The following IKZF4 variants were observed in gnomAD, a reference collection of about 807,000 sequenced individuals.
The protein encoded by IKZF4 is zinc finger protein Eos.
A neutral mutation model predicts 47.7 loss-of-function variants in IKZF4; 11 were observed. That is an observed-to-expected ratio of 0.23 (90% CI 0.15 to 0.38). IKZF4 has a LOEUF of 0.38. IKZF4 is among the 10% of genes least tolerant of loss of function. The pLI is 1.00. For synonymous variants in IKZF4, 298 were observed against 299.4 expected (o/e 1.00, Z 0.05); for missense variants, 557 against 784.9 (o/e 0.71, Z 3.47).
At chr12:56,024,679 G>A (rs1166297337) in intron 2 of IKZF4, 1 of 1,069,108 alleles carries the variant, frequency 9.4e-7, no homozygotes, top group Non-Finnish European at 1.1e-6. Context: ...ACCGGCTGGG[G>A]GCTCCAGAGA....
In IKZF4 at chr12:56,034,623, G is replaced by T; in HGVS notation, c.1050G>T (p.Ser350=). The change falls in exon 8 of 8, where the codon TCG becomes TCT. Residue 350 remains serine (S), a synonymous_variant. Transcript: ENST00000547167. ...SLSDLPYDVN[S]GGYEKDVELV... ...CAGACCTCCCCTATGATGTGAACTC[G>T]GGTGGCTATGAAAAGGATGTGGAGT... 1 of 1,613,926 alleles carries T rather than the reference G, an allele frequency of 6.2e-7. No individual in the cohort carries two copies. Among genetic ancestry groups the T allele is most frequent in the Non-Finnish European group, 8.5e-7 (1 of 1,179,844 alleles).
rs141376239 is a variant in IKZF4 at position 56,038,372 on chromosome 12, A to G, written c.*3041A>G. ...AATATTTGTGTAACGGAGATATACT[A>G]CTGTAAGTTTTGTACTGTACTGGCT... On this transcript the variant is annotated 3_prime_UTR_variant, in exon 8 of 8. Transcript: ENST00000547167. 3.3e-5 allele frequency: 5 copies of G among 152,764 alleles called. No individual in the cohort carries two copies. The East Asian group carries it at 9.6e-4, about 29-fold the overall frequency. The allele number at this position is 152,764 out of a possible 1,614,324, so 9.5% of individuals were successfully genotyped here. A position where few individuals can be genotyped will look rare whatever the true frequency, so the allele number is the denominator to read the frequency against.
At position 56,035,405 on chromosome 12, in the gene IKZF4, TC is replaced by T. The variant is rs1895556558; in HGVS notation, c.*77del. On this transcript the variant is annotated 3_prime_UTR_variant, in exon 8 of 8. Coordinates refer to ENST00000547167, the MANE Select transcript of IKZF4 (RefSeq NM_022465.4). This position sits in a 1 kb window ranked among gnomAD's most constrained non-coding sequence, Gnocchi z 6.1. Reference sequence around the variant, plus strand: ...GGCATTGATCCCTGTCCCCACCATTTCCCAAGGAGTTTTGCTTTGTAGCCCT... The same window carrying T: ...GGCATTGATCCCTGTCCCCACCATTTCCAAGGAGTTTTGCTTTGTAGCCCT... 4 of 1,510,350 alleles carry T rather than the reference TC, an allele frequency of 2.6e-6. No homozygotes were observed. Among genetic ancestry groups the T allele is most frequent in the Non-Finnish European group, 3.6e-6 (4 of 1,120,892 alleles). The allele number at this position is 1,510,350 out of a possible 1,614,324, so 93.6% of individuals were successfully genotyped here.
chr12:56,028,984 C>T (rs1894501434), intron 5 of IKZF4, among the ~76,000 whole-genome samples: 1 of 152,180 alleles, frequency 6.6e-6, no homozygotes. Flanking sequence ...CCATCTGCCT[C>T]AGGCCCCACA....
chr12:56,024,118 T>C (rs1241689709), intron 2 of IKZF4, among the ~76,000 whole-genome samples: 2 of 152,234 alleles, frequency 1.3e-5, no homozygotes, highest in Admixed American at 1.3e-4. Flanking sequence ...AGGTATGTTA[T>C]CTGATTTTGA....
At chr12:56,025,014 C>G (rs1457040469) in intron 2 of IKZF4, 40 bp from the exon 3 acceptor site, 1 of 1,555,124 alleles carries the variant, frequency 6.4e-7, no homozygotes, top group Non-Finnish European at 8.7e-7. Context: ...TAGATATCTC[C>G]AGCTCCAGCT....
In IKZF4 at chr12:56,028,333, G is replaced by A. The variant is rs1378307677; in HGVS notation, c.715+386G>A. 2.0e-5 allele frequency among the ~76,000 whole-genome samples: 3 copies of A among 151,420 alleles called. No homozygotes were observed. In the South Asian group the frequency reaches 6.3e-4, roughly 32 times the overall value. ...GAGGTCAGGAGATCGAGACCATCCT[G>A]GCCAAAATGGTGAAACCCTGTCTCT... On this transcript the variant is annotated intron_variant, in intron 5 of 7. Transcript: ENST00000547167.
Position 56,023,759 on chromosome 12 carries a change from G to A in IKZF4, c.176G>A (p.Cys59Tyr). The stretch of plus-strand genomic sequence containing the variant: ...CATTTTATAATGGAATCTTTATTTT[G>A]TGAAAGTAAGTATGTGCATAGCTGG... Reference protein sequence around the residue: ...SNHFIMESLFCESSGDSSLEK... With the variant: ...SNHFIMESLFYESSGDSSLEK... The change falls in exon 2 of 8, where the codon TGT (cysteine) becomes TAT (tyrosine). Residue 59 changes from cysteine to tyrosine, a missense_variant. Around this residue, in one of 6 missense-constraint regions of IKZF4, gnomAD observed 112 missense variants for 168.2 expected, o/e 0.67. Transcript: ENST00000547167. 6.2e-7 allele frequency: 1 copy of A among 1,613,524 alleles called. No homozygotes were observed. The highest frequency in any genetic ancestry group is 8.5e-7 in the Non-Finnish European group (1 of 1,179,652).
chr12:56,022,797 CTTTTTT>C (rs34923817), intron 1 of IKZF4, among the ~76,000 whole-genome samples: 2 of 126,292 alleles, frequency 1.6e-5, no homozygotes, highest in Non-Finnish European at 1.7e-5. Context: ...CTCAGTGTTT[CTTTTTT>C]TTTTTTTTTT....
chr12:56,032,082 C>T (rs555598657), intron 5 of IKZF4, among the ~76,000 whole-genome samples: 5 of 152,216 alleles, frequency 3.3e-5, no homozygotes, highest in African/African-American at 1.2e-4. Flanking sequence ...CATGCCAGCC[C>T]ACCAGTTTCC....
rs537220215 is a variant in IKZF4 at position 56,037,257 on chromosome 12, A to T, written c.*1926A>T. The stretch of plus-strand genomic sequence containing the variant: ...CCAAGAGAACCAGATTGGCAGGGAG[A>T]AGCATTGTGGGGCAATTGTTCCTCC... On this transcript the variant is annotated 3_prime_UTR_variant, in exon 8 of 8. Coordinates refer to ENST00000547167, the MANE Select transcript of IKZF4 (RefSeq NM_022465.4). The T allele has an allele frequency of 1.3e-5, 2 of 152,692 alleles. No homozygotes were observed. The highest frequency in any genetic ancestry group is 6.5e-5 in the Admixed American group (1 of 15,296). 9.5% of individuals were successfully genotyped at this position (152,692 alleles called of 1,614,324 possible). A position where few individuals can be genotyped will look rare whatever the true frequency, so the allele number is the denominator to read the frequency against.
In IKZF4 at chr12:56,027,010, C is replaced by T. The variant is rs201788307; in HGVS notation, c.516C>T (p.Asn172=). The T allele has an allele frequency of 6.4e-5, 101 of 1,571,806 alleles. No individual in the cohort carries two copies. The highest frequency in any genetic ancestry group is 1.2e-4 in the East Asian group (5 of 43,212). ...DVCGMVCIGP[N]VLMVHKRSHT... is the part of the protein sequence containing the mutation. ...GCGGCATGGTCTGTATTGGACCCAA[C>T]GTGCTCATGGTGCACAAGCGCAGTC... The change falls in exon 4 of 8, where the codon AAC becomes AAT. Residue 172 remains asparagine, a synonymous_variant. Coordinates refer to ENST00000547167, the MANE Select transcript of IKZF4 (RefSeq NM_022465.4).
intron 1 of IKZF4, chr12:56,010,039 GTC>G (rs148968431): frequency 2.2e-4 from 31 of 142,984 alleles, no homozygotes; most frequent in Non-Finnish European, 2.7e-4. Context: ...CTCTCTCTCT[GTC>G]TCTCTCTCTC....
chr12:56,014,857 T>A (rs1189216546), intron 2 of IKZF4, among the ~76,000 whole-genome samples: 6 of 152,068 alleles, frequency 3.9e-5, no homozygotes, highest in Admixed American at 3.9e-4. Context: ...TAGCCTGGCT[T>A]TTGAAAGGTT....
At position 56,025,028 on chromosome 12, in the gene IKZF4, C is replaced by T. The variant is rs191049564; in HGVS notation, c.182-26C>T. 9 of 1,561,762 alleles carry T rather than the reference C, an allele frequency of 5.8e-6. No homozygotes were observed. The African/African-American group carries it at 1.1e-4, about 19-fold the overall frequency. Reference sequence around the variant, plus strand: ...GTAGATATCTCCAGCTCCAGCTTTACCTGCCCTCTTGTTCTCTCCTCCAAG... The same window carrying T: ...GTAGATATCTCCAGCTCCAGCTTTATCTGCCCTCTTGTTCTCTCCTCCAAG... On this transcript the variant is annotated intron_variant, in intron 2 of 7. Coordinates refer to ENST00000547167, the MANE Select transcript of IKZF4 (RefSeq NM_022465.4).
chr12:56,034,474 T>A (rs1194253137), intron 7 of IKZF4, 97 bp from the exon 8 acceptor site: 1 of 1,289,978 alleles, frequency 7.8e-7, no homozygotes, highest in Non-Finnish European at 1.1e-6. Context: ...TAAATAATGT[T>A]ACACCCAGCC....
Position 56,033,379 on chromosome 12 carries a change from G to C in IKZF4, c.997+58G>C, listed in dbSNP as rs1410813479. On this transcript the variant is annotated intron_variant, in intron 7 of 7. Coordinates refer to ENST00000547167, the MANE Select transcript of IKZF4 (RefSeq NM_022465.4). ...TAAGCCACAGCTCAAATAAATCTGA[G>C]CTGTGTGGTCTGGAGATTCGGTTTG... 6.9e-6 allele frequency: 11 copies of C among 1,604,790 alleles called. No individual in the cohort carries two copies. In the East Asian group the frequency reaches 2.0e-4, roughly 29 times the overall value.
intron 4 of IKZF4, among the ~76,000 whole-genome samples, 168 bp from the exon 5 acceptor site, chr12:56,027,612 C>T (rs1374509673): frequency 6.6e-6 from 1 of 152,162 alleles, no homozygotes; most frequent in African/African-American, 2.4e-5. Context: ...CCCCAGGGAT[C>T]CCCAAGGGAT....
intron 4 of IKZF4, 66 bp from the exon 5 acceptor site, chr12:56,027,714 G>A: frequency 6.6e-7 from 1 of 1,526,654 alleles, no homozygotes; most frequent in Non-Finnish European, 9.0e-7. Flanking sequence ...GCAGAGGGTG[G>A]GTGATAGGTT....
Sources: allele counts gnomAD v4.1 joint callset (sites outside exome capture counted in the v4.1 genomes callset), GRCh38; gene constraint gnomAD v4.1.1; regional missense constraint gnomAD v4.1.1; non-coding constraint Gnocchi (gnomAD v3.1); transcripts MANE v1.5; gene names NCBI Gene and HGNC (gene_info 2026-07-23, HGNC 2026-07-21).